RBFOX2: variants seen among roughly 807,000 people sequenced by gnomAD.
The protein encoded by RBFOX2 is RNA binding fox-1 homolog 2, also known as RNA binding protein fox-1 homolog 2.
RBFOX2 carries 10 observed loss-of-function variants against 49.1 expected under a neutral mutation model. The observed-to-expected ratio is 0.20, with a 90% confidence interval of 0.13 to 0.35. RBFOX2 has a LOEUF of 0.35. Ranked by LOEUF, RBFOX2 falls within the 10% of genes least tolerant of loss-of-function variation. RBFOX2 has a pLI of 1.00. For missense variants in RBFOX2, 323 were observed against 486.9 expected (o/e 0.66, Z 3.17); for synonymous variants, 183 against 187.4 (o/e 0.98, Z 0.19).
chr22:35,959,766 T>G (rs1469942978), intron 1 of RBFOX2, among the ~76,000 whole-genome samples: 1 of 152,208 alleles, frequency 6.6e-6, no homozygotes, highest in African/African-American at 2.4e-5. Context: ...GTGTCTGGAA[T>G]GAGGTCCAGG....
intron 1 of RBFOX2, among the ~76,000 whole-genome samples, chr22:35,848,691 A>T (rs2041521229): frequency 1.3e-5 from 2 of 152,224 alleles, no homozygotes; most frequent in Non-Finnish European, 2.9e-5. Context: ...TGAAAGAAAA[A>T]AATAATTAAA....
At chr22:35,946,020 A>G (rs2054240801) in intron 1 of RBFOX2, among the ~76,000 whole-genome samples, 1 of 152,184 alleles carries the variant, frequency 6.6e-6, no homozygotes, top group Admixed American at 6.5e-5. Context: ...ATTAAAAATC[A>G]GCTGGTATAA....
At chr22:35,780,066 A>C (rs1487628226) in intron 3 of RBFOX2, among the ~76,000 whole-genome samples, 2 of 152,160 alleles carry the variant, frequency 1.3e-5, no homozygotes, top group Non-Finnish European at 2.9e-5. Flanking sequence ...TGCGTAACCC[A>C]AGTCCTTTAT....
intron 1 of RBFOX2, among the ~76,000 whole-genome samples, chr22:35,852,342 T>G: frequency 6.6e-6 from 1 of 152,050 alleles, no homozygotes. Flanking sequence ...TCTAACAGTC[T>G]CCTGTATAGG....
chr22:35,855,799 C>T (rs936076064), intron 1 of RBFOX2, among the ~76,000 whole-genome samples: 8 of 151,846 alleles, frequency 5.3e-5, no homozygotes, highest in Non-Finnish European at 7.4e-5. Context: ...CTCAGGCAGG[C>T]GGACTGCCTA....
At chr22:35,826,433 A>G (rs184529549) in intron 1 of RBFOX2, among the ~76,000 whole-genome samples, 383 of 152,194 alleles carry the variant, frequency 2.5e-3, no homozygotes, top group Middle Eastern at 6.8e-3. Flanking sequence ...AGTCCAAAAT[A>G]TAAATGCTAA....
chr22:35,769,991 TTTCAG>T (rs1241959709), intron 4 of RBFOX2, among the ~76,000 whole-genome samples: 10 of 152,172 alleles, frequency 6.6e-5, no homozygotes, highest in African/African-American at 2.4e-4. Context: ...CTACTGGTAA[TTTCAG>T]TTAATACTCT....
intron 4 of RBFOX2, among the ~76,000 whole-genome samples, chr22:35,772,941 T>C (rs1253421345): frequency 6.6e-6 from 1 of 151,658 alleles, no homozygotes; most frequent in Non-Finnish European, 1.5e-5. Context: ...CATGTAACTT[T>C]TAAGGGAGAA....
rs546354502 is a variant in RBFOX2, at chr22:36,020,352, A to T, written c.186+7888T>A. Among the ~76,000 whole-genome samples the T allele has an allele frequency of 2.0e-5, 3 of 151,902 alleles. No individual in the cohort carries two copies. In the East Asian group the frequency reaches 5.8e-4, roughly 29 times the overall value. ...CATAGGCATGGGCAAGGACTTCATG[A>T]CTAAAACACCAAAAGCAATGGCAAC... is the stretch of plus-strand genomic sequence containing the variant. On this transcript the variant is annotated intron_variant, in intron 1 of 13. Coordinates refer to the RBFOX2 transcript ENST00000438146.
intron 1 of RBFOX2, among the ~76,000 whole-genome samples, chr22:36,011,314 G>GA (rs1256667673): frequency 1.3e-5 from 2 of 152,018 alleles, no homozygotes; most frequent in Non-Finnish European, 2.9e-5. Flanking sequence ...GTATTCACGT[G>GA]AAAAAACAAG....
chr22:35,892,913 T>C (rs2047416172), intron 1 of RBFOX2, among the ~76,000 whole-genome samples: 1 of 152,252 alleles, frequency 6.6e-6, no homozygotes, highest in Admixed American at 6.5e-5. Flanking sequence ...CTCCTATTCC[T>C]AGTCCACAGC....
chr22:35,791,793 C>A (rs1186173747), intron 2 of RBFOX2, among the ~76,000 whole-genome samples: 2 of 152,038 alleles, frequency 1.3e-5, no homozygotes, highest in African/African-American at 4.8e-5. Flanking sequence ...CCATTTATTT[C>A]GAATGGGAGG....
chr22:35,775,677 T>C (rs1187296864), intron 4 of RBFOX2, among the ~76,000 whole-genome samples: 1 of 151,492 alleles, frequency 6.6e-6, no homozygotes, highest in Non-Finnish European at 1.5e-5. Context: ...CTGTCTGTAC[T>C]AAAAATACCA....
At chr22:35,744,353 G>A in intron 11 of RBFOX2, 104 bp from the exon 14 acceptor site, 1 of 1,079,274 alleles carries the variant, frequency 9.3e-7, no homozygotes. Flanking sequence ...CTGCTTCGAA[G>A]CCTCAAAGCA....
chr22:35,940,906 G>C (rs1349325522), upstream of RBFOX2, among the ~76,000 whole-genome samples: 1 of 152,100 alleles, frequency 6.6e-6, no homozygotes, highest in Admixed American at 6.6e-5. Flanking sequence ...TAAATTAGTG[G>C]TTCCAGGGAC....
At chr22:35,921,723 A>G (rs1386284884) in intron 1 of RBFOX2, among the ~76,000 whole-genome samples, 1 of 152,240 alleles carries the variant, frequency 6.6e-6, no homozygotes, top group Non-Finnish European at 1.5e-5. Flanking sequence ...CACTGCATTT[A>G]GAATATTCTG....
chr22:35,999,774 G>C (rs1327595295), intron 1 of RBFOX2: 1 of 152,014 alleles, frequency 6.6e-6, no homozygotes, highest in African/African-American at 2.4e-5. Context: ...AGGTACTACT[G>C]TCCATGCTTA....
intron 1 of RBFOX2, among the ~76,000 whole-genome samples, chr22:35,915,804 T>C (rs1473260041): frequency 2.0e-5 from 3 of 152,092 alleles, no homozygotes; most frequent in Admixed American, 2.0e-4. Context: ...CTAAACAATC[T>C]GGAATTGCTG....
intron 9 of RBFOX2, among the ~76,000 whole-genome samples, chr22:35,750,046 C>T (rs918275894): frequency 1.3e-5 from 2 of 152,144 alleles, no homozygotes; most frequent in African/African-American, 4.8e-5. Flanking sequence ...CCTGGTATTA[C>T]GGAAACAGTC....
Sources: gnomAD v4.1 joint callset for allele counts (sites outside exome capture counted in the v4.1 genomes callset) on GRCh38, gnomAD v4.1.1 for gene constraint, MANE v1.5 for transcripts, NCBI Gene and HGNC (gene_info 2026-07-23, HGNC 2026-07-21) for gene names.